The following KIF18B variants were observed in gnomAD, a reference collection of about 807,000 sequenced individuals.
KIF18B encodes the protein kinesin-like protein KIF18B.
A neutral mutation model predicts 80.9 loss-of-function variants in KIF18B; 49 were observed. The observed-to-expected ratio is 0.61, with a 90% CI of 0.48 to 0.77. The LOEUF (loss-of-function observed/expected upper bound fraction) is 0.77. Ranked by LOEUF, KIF18B falls within the 30% of genes least tolerant of loss-of-function variation. The pLI is 0.00. For synonymous variants in KIF18B, 439 were observed against 463.9 expected, an observed-to-expected ratio of 0.95 and a Z score of 0.69; for missense variants, 994 against 1,127.7, an observed-to-expected ratio of 0.88 and a Z score of 1.70.
At position 44,945,906 on chromosome 17, in the gene KIF18B, G is replaced by GAAA. The variant is rs749503310; in HGVS notation, c.-15+1719_-15+1721dup. ...GGGCAACGAGGGAAATTCTGTCTCA[G>GAAA]AAAAAAAAAAAAAAAAAAAAATCCA... On this transcript the variant is annotated intron_variant, in intron 1 of 15. Coordinates refer to ENST00000593135, the MANE Select transcript of KIF18B (RefSeq NM_001265577.2). Among the ~76,000 whole-genome samples the GAAA allele has an allele frequency of 4.1e-3, 381 of 92,024 alleles. 3 individuals are homozygous for GAAA. Among genetic ancestry groups the GAAA allele is most frequent in the African/African-American group, 0.016 (352 of 22,600 alleles). 60.4% of individuals were successfully genotyped at this position (92,024 alleles called of 152,430 possible).
At chr17:44,933,200 G>C (rs2052197181) in intron 7 of KIF18B, among the ~76,000 whole-genome samples, 1 of 152,112 alleles carries the variant, frequency 6.6e-6, no homozygotes, top group South Asian at 2.1e-4. Context: ...TTCTTGCCAG[G>C]GTTAGGGTGT....
chr17:44,936,884 C>A (rs950652307), intron 1 of KIF18B, among the ~76,000 whole-genome samples: 1 of 151,114 alleles, frequency 6.6e-6, no homozygotes, highest in African/African-American at 2.4e-5. Context: ...CCTCATGATT[C>A]GCCCACCTCA....
Position 44,935,313 on chromosome 17 carries a change from G to A in KIF18B, c.417C>T (p.Arg139=), listed in dbSNP as rs975486435. The A allele has an allele frequency of 3.1e-6, 5 of 1,612,224 alleles. No homozygotes were observed. The highest frequency in any genetic ancestry group is 1.3e-5 in the African/African-American group (1 of 74,840). The change falls in exon 3 of 16, where the codon CGC becomes CGT. Residue 139 remains arginine (R), a synonymous_variant. Coordinates refer to ENST00000593135, the MANE Select transcript of KIF18B (RefSeq NM_001265577.2). Reference sequence around the variant, plus strand: ...GCTTCTCCTGCTGGCGGGCCTCCAGGCGCCTGTACAGTTCCACGGTGGTCA... The same window carrying A: ...GCTTCTCCTGCTGGCGGGCCTCCAGACGCCTGTACAGTTCCACGGTGGTCA... The part of the protein sequence containing the change: ...MYLTTVELYR[R]LEARQQEKHF...
intron 1 of KIF18B, among the ~76,000 whole-genome samples, chr17:44,936,742 C>T (rs1441240740): frequency 2.8e-5 from 4 of 142,626 alleles, no homozygotes; most frequent in African/African-American, 1.0e-4. Flanking sequence ...CAGGTTCAAG[C>T]GATTCCCCTG....
intron 1 of KIF18B, among the ~76,000 whole-genome samples, chr17:44,939,181 G>T (rs775947751): frequency 6.6e-6 from 1 of 151,704 alleles, no homozygotes; most frequent in Non-Finnish European, 1.5e-5. Flanking sequence ...GACCAGCCTG[G>T]CCAACATGGT....
At chr17:44,944,913 T>G (rs2052484003) in intron 1 of KIF18B, among the ~76,000 whole-genome samples, 1 of 152,222 alleles carries the variant, frequency 6.6e-6, no homozygotes, top group African/African-American at 2.4e-5. Flanking sequence ...ATGTCCCTAT[T>G]TTTGCTCCTA....
At chr17:44,932,506 C>A in intron 9 of KIF18B, 167 bp downstream of exon 9, 1 of 615,400 alleles carries the variant, frequency 1.6e-6, no homozygotes, top group South Asian at 1.9e-5. Flanking sequence ...GGACACAGCA[C>A]TCTAGGTGAC....
chr17:44,945,455 G>A lies in KIF18B; in HGVS notation c.-15+2173C>T, dbSNP rs184659056. On this transcript the variant is annotated intron_variant, in intron 1 of 15. Transcript: ENST00000593135. ...TAACTTTCAGCTTCTTAAACAAAAT[G>A]TTCTAATATAAGCATTTAAGACTAT... Among the ~76,000 whole-genome samples the A allele has an allele frequency of 6.6e-5, 10 of 152,290 alleles. 1 individual carries two copies. Among genetic ancestry groups the A allele is most frequent in the African/African-American group, 1.4e-4 (6 of 41,564 alleles).
chr17:44,925,757 G>C lies in KIF18B; in HGVS notation c.*323C>G. The C allele has an allele frequency of 3.0e-6, 1 of 333,756 alleles. No homozygotes were observed. The highest frequency in any genetic ancestry group is 2.8e-5 in the South Asian group (1 of 36,348). The allele number at this position is 333,756 out of a possible 1,614,324, so 20.7% of individuals were successfully genotyped here. ...GATCGTACCACTGCACTCCAGCCTGGGCGACAGAGTAAGACTCCATCTCAA... is the reference window on the plus strand; with the variant it reads ...GATCGTACCACTGCACTCCAGCCTGCGCGACAGAGTAAGACTCCATCTCAA... On this transcript the variant is annotated 3_prime_UTR_variant, in exon 16 of 16. Transcript: ENST00000593135.
At chr17:44,929,672 C>T (rs1327893566) in intron 11 of KIF18B, among the ~76,000 whole-genome samples, 1 of 152,128 alleles carries the variant, frequency 6.6e-6, no homozygotes, top group Non-Finnish European at 1.5e-5. Flanking sequence ...CTATTGTTTC[C>T]TGTAAAATGG....
intron 14 of KIF18B, among the ~76,000 whole-genome samples, 160 bp from the exon 15 acceptor site, chr17:44,926,659 G>A (rs1043490089): frequency 6.6e-6 from 1 of 152,208 alleles, no homozygotes; most frequent in African/African-American, 2.4e-5. Flanking sequence ...GGGTGGGAGA[G>A]GCAGTGTGTA....
intron 7 of KIF18B, 77 bp from the exon 8 acceptor site, chr17:44,933,063 C>T: frequency 1.5e-6 from 2 of 1,359,884 alleles, no homozygotes; most frequent in Admixed American, 1.8e-5. Flanking sequence ...TGGCCAGGCA[C>T]TGCACTAGGT....
rs777004215 is a variant in KIF18B, at chr17:44,932,924, C to G, written c.1125G>C (p.Gln375His). Residue 375 changes from glutamine to histidine, a missense_variant, in exon 8 of 16, where the codon CAG (glutamine) becomes CAC (histidine). Gln to His is a conservative substitution (Grantham distance 24). Coordinates refer to ENST00000593135, the MANE Select transcript of KIF18B (RefSeq NM_001265577.2). ...GCGGGCTCCTCACCTCAGCCTGGAG[C>G]TGTTGGCAGATGGTAGCATACTGGC... is the stretch of plus-strand genomic sequence containing the variant. ...HISQYATICQ[Q>H]LQAEVAALRK... 3.7e-6 allele frequency: 6 copies of G among 1,606,142 alleles called. No homozygotes were observed. The highest frequency in any genetic ancestry group is 5.1e-6 in the Non-Finnish European group (6 of 1,173,562).
At chr17:44,937,977 TACACACACACACACACAC>T (rs57130293) in intron 1 of KIF18B, among the ~76,000 whole-genome samples, 19 of 144,048 alleles carry the variant, frequency 1.3e-4, no homozygotes, top group Admixed American at 1.1e-3. Flanking sequence ...AGCATCTCCA[TACACACACACACACACAC>T]ACACACACAC....
At position 44,935,217 on chromosome 17, in the gene KIF18B, C is replaced by T. The variant is rs200894200; in HGVS notation, c.471+42G>A. 187 of 1,538,654 alleles carry T rather than the reference C, an allele frequency of 1.2e-4. 1 individual carries two copies. The highest frequency in any genetic ancestry group is 1.3e-4 in the Non-Finnish European group (143 of 1,139,414). On this transcript the variant is annotated intron_variant, in intron 3 of 15. Coordinates refer to ENST00000593135, the MANE Select transcript of KIF18B (RefSeq NM_001265577.2). ...TCCACCCCATGGGCTCACTTCCCCC[C>T]GGGTGGTTGTGAGAACAAGGCCCAG... is the stretch of plus-strand genomic sequence containing the variant.
At chr17:44,942,456 G>A (rs1418967291) in intron 1 of KIF18B, among the ~76,000 whole-genome samples, 1 of 152,240 alleles carries the variant, frequency 6.6e-6, no homozygotes, top group Admixed American at 6.5e-5. Context: ...CAGAGGACTT[G>A]AGGGAATCTA....
rs1446171331 is a variant in KIF18B, at chr17:44,932,703, C to T, written c.1208G>A (p.Gly403Glu). ...TGGTGGTGGTCCCGACTTGGGAGAT[C>T]CTGGGAGGTCCTGTGGTGGGGGCTG... ...GGQPPPQDLP[G>E]SPKSGPPPEH... Residue 403 changes from glycine (G) to glutamate (E), a missense_variant, in exon 9 of 16, where the codon GGA becomes GAA. Coordinates refer to ENST00000593135, the MANE Select transcript of KIF18B (RefSeq NM_001265577.2). 6.2e-7 allele frequency: 1 copy of T among 1,612,544 alleles called. No homozygotes were observed.
intron 2 of KIF18B, 25 bp from the exon 3 acceptor site, chr17:44,935,441 G>T (rs775594350): frequency 1.9e-6 from 3 of 1,572,054 alleles, no homozygotes; most frequent in Non-Finnish European, 2.6e-6. Context: ...GTAAGGAGGA[G>T]GACCCCAGTG....
At chr17:44,941,887 G>A (rs1320368606) in intron 1 of KIF18B, among the ~76,000 whole-genome samples, 2 of 152,154 alleles carry the variant, frequency 1.3e-5, no homozygotes, top group Non-Finnish European at 2.9e-5. Context: ...CTCTCCTCCC[G>A]CCTCCTGAGG....
Sources: allele counts gnomAD v4.1 joint callset (sites outside exome capture counted in the v4.1 genomes callset), GRCh38; gene constraint gnomAD v4.1.1; transcripts MANE v1.5; gene names NCBI Gene and HGNC (gene_info 2026-07-23, HGNC 2026-07-21).